The following PATJ variants were observed in gnomAD, a reference collection of about 807,000 sequenced individuals.
PATJ encodes PATJ crumbs cell polarity complex component, also known as inaD-like protein.
A neutral mutation model predicts 224.9 loss-of-function variants in PATJ; 190 were observed. That is an observed-to-expected ratio of 0.84 (90% CI 0.75 to 0.95). The LOEUF (loss-of-function observed/expected upper bound fraction) is 0.95, where lower values mean the gene tolerates loss of function less well. Ranked by LOEUF, PATJ falls within the 40% of genes least tolerant of loss-of-function variation. The pLI is 0.00. For synonymous variants in PATJ, 769 were observed against 820.3 expected (o/e 0.94, Z 1.07); for missense variants, 2,121 against 2,270.3 (o/e 0.93, Z 1.34).
At chr1:61,863,141 T>G (rs904646744) in intron 19 of PATJ, among the ~76,000 whole-genome samples, 5 of 146,850 alleles carry the variant, frequency 3.4e-5, no homozygotes, top group African/African-American at 1.3e-4. Flanking sequence ...GCTCAAGCAA[T>G]TCTTTGCCTC....
chr1:62,155,927 A>T (rs561446638), intron 43 of PATJ, among the ~76,000 whole-genome samples: 3 of 151,450 alleles, frequency 2.0e-5, no homozygotes, highest in African/African-American at 7.3e-5. Context: ...GCATGGTGGT[A>T]GGCGCCTGTA....
At chr1:61,817,358 A>T (rs1196022729) in intron 14 of PATJ, among the ~76,000 whole-genome samples, 2 of 152,140 alleles carry the variant, frequency 1.3e-5, no homozygotes, top group Non-Finnish European at 2.9e-5. Flanking sequence ...TTTTTTGAAC[A>T]TTCTGAATTA....
At chr1:61,875,507 C>T in intron 21 of PATJ, 141 bp downstream of exon 21, 2 of 613,088 alleles carry the variant, frequency 3.3e-6, no homozygotes, top group Non-Finnish European at 5.5e-6. Flanking sequence ...AATTAATCTG[C>T]TTCAGAATTA....
Position 61,775,326 on chromosome 1 carries a change from G to T in PATJ, c.841G>T (p.Ala281Ser), listed in dbSNP as rs781576435. 4 of 1,609,020 alleles carry T rather than the reference G, an allele frequency of 2.5e-6. No homozygotes were observed. Among genetic ancestry groups the T allele is most frequent in the Admixed American group, 1.7e-5 (1 of 58,740 alleles). ...VVRTIVPGGL[A>S]DRDGRLQTGD... is the part of the protein sequence containing the mutation. ...GAGGACTATAGTTCCTGGAGGATTA[G>T]CAGATCGAGTAAGTCAACCTTCCTT... Residue 281 changes from alanine to serine, a missense_variant, in exon 7 of 44, where the codon GCA becomes TCA. By Grantham distance (99) the Ala-to-Ser change is moderately conservative. Coordinates refer to ENST00000642238, the MANE Select transcript of PATJ (RefSeq NM_001350145.3).
intron 27 of PATJ, among the ~76,000 whole-genome samples, chr1:61,967,666 G>A (rs751079702): frequency 3.9e-5 from 6 of 152,146 alleles, no homozygotes; most frequent in Non-Finnish European, 7.4e-5. Context: ...TAAATGAGAT[G>A]ATTTATTTAA....
chr1:61,758,927 T>A (rs1460189911), intron 1 of PATJ, among the ~76,000 whole-genome samples: 1 of 152,144 alleles, frequency 6.6e-6, no homozygotes, highest in Non-Finnish European at 1.5e-5. Flanking sequence ...GTTACACAAA[T>A]AGAAAATGCC....
intron 9 of PATJ, among the ~76,000 whole-genome samples, chr1:61,793,094 A>T (rs1650235217): frequency 6.6e-6 from 1 of 151,684 alleles, no homozygotes; most frequent in African/African-American, 2.4e-5. Context: ...CTTTTCTGAG[A>T]TGGAGTCTCG....
Position 61,808,592 on chromosome 1 carries a change from TGTTGTCCAG to T in PATJ, c.1683+67_1683+75del, listed in dbSNP as rs911475850. 4.7e-5 allele frequency: 50 copies of T among 1,059,220 alleles called. No homozygotes were observed. In the African/African-American group the frequency reaches 7.6e-4, roughly 16 times the overall value. The allele number at this position is 1,059,220 out of a possible 1,614,324, so 65.6% of individuals were successfully genotyped here. On this transcript the variant is annotated intron_variant, in intron 14 of 43. Transcript: ENST00000642238. Reference sequence around the variant, plus strand: ...TTTTTTAAGAGATAGGGTCTCACTATGTTGTCCAGGTTGGTCTCAAACTCATAGGCTAAA... The same window carrying T: ...TTTTTTAAGAGATAGGGTCTCACTATGTTGGTCTCAAACTCATAGGCTAAA...
intron 11 of PATJ, among the ~76,000 whole-genome samples, chr1:61,797,876 T>C (rs931456328): frequency 6.6e-6 from 1 of 151,528 alleles, no homozygotes; most frequent in Non-Finnish European, 1.5e-5. Context: ...GATCTTGGCT[T>C]ACTGCAACCT....
At chr1:61,885,788 CA>C (rs1478687955) in intron 22 of PATJ, among the ~76,000 whole-genome samples, 1 of 151,644 alleles carries the variant, frequency 6.6e-6, no homozygotes, top group East Asian at 1.9e-4. Flanking sequence ...AAATGTCCAA[CA>C]ATGATAGACT....
intron 25 of PATJ, among the ~76,000 whole-genome samples, chr1:61,910,405 A>G (rs917890020): frequency 2.0e-5 from 3 of 152,142 alleles, no homozygotes; most frequent in Non-Finnish European, 4.4e-5. Flanking sequence ...AGACTGCCAC[A>G]TTGTACATTC....
chr1:62,116,370 G>A (rs1421407671), intron 35 of PATJ, among the ~76,000 whole-genome samples, 162 bp from the exon 36 acceptor site: 1 of 152,168 alleles, frequency 6.6e-6, no homozygotes, highest in Non-Finnish European at 1.5e-5. Flanking sequence ...GAAGCTCCAA[G>A]TGCTGATAAA....
At chr1:62,011,925 G>A (rs1646473647) in intron 28 of PATJ, among the ~76,000 whole-genome samples, 1 of 151,892 alleles carries the variant, frequency 6.6e-6, no homozygotes. Flanking sequence ...TTCTCAGGAG[G>A]CAGAGGCAGG....
In PATJ at chr1:62,030,140, G is replaced by A. The variant is rs563381075; in HGVS notation, c.3960-7837G>A. 1.8e-4 allele frequency among the ~76,000 whole-genome samples: 28 copies of A among 152,206 alleles called. No homozygotes were observed. In the South Asian group the frequency reaches 5.8e-3, roughly 32 times the overall value. ...GATTAAAAGAAAAAAGAAGAATAAA[G>A]CCTTTAGATTAAACCATTAGACTCA... is the stretch of plus-strand genomic sequence containing the variant. On this transcript the variant is annotated intron_variant, in intron 29 of 43. Transcript: ENST00000642238.
At chr1:62,101,308 G>A (rs1300896541) in intron 33 of PATJ, among the ~76,000 whole-genome samples, 1 of 144,470 alleles carries the variant, frequency 6.9e-6, no homozygotes, top group East Asian at 2.1e-4. Flanking sequence ...CTGTCACCCA[G>A]GCTGGAGTGC....
At chr1:61,775,923 A>G (rs1247439310) in intron 7 of PATJ, among the ~76,000 whole-genome samples, 1 of 152,248 alleles carries the variant, frequency 6.6e-6, no homozygotes, top group East Asian at 1.9e-4. Context: ...AAGCCACGTA[A>G]TAATAAGCCC....
intron 28 of PATJ, among the ~76,000 whole-genome samples, chr1:61,994,298 C>T (rs67967624): frequency 0.053 from 8,049 of 152,190 alleles, 588 homozygotes; most frequent in East Asian, 0.39. Flanking sequence ...AGTGATTGTA[C>T]AGCATCAACC....
chr1:62,148,287 G>C lies in PATJ; in HGVS notation c.5275G>C (p.Val1759Leu). The change falls in exon 42 of 44, where the codon GTA (valine) becomes CTA (leucine). Residue 1759 changes from valine (V) to leucine (L), a missense_variant. Val to Leu is a conservative substitution (Grantham distance 32). Coordinates refer to ENST00000642238, the MANE Select transcript of PATJ (RefSeq NM_001350145.3). ...NAYGRIILQV[V>L]ADTNISAIAA... ...CTTTTTTTCACTTTTTCCCCAGGTTGTAGCAGATACCAATATAAGCGCCAT... is the reference window on the plus strand; with the variant it reads ...CTTTTTTTCACTTTTTCCCCAGGTTCTAGCAGATACCAATATAAGCGCCAT... 1 of 1,611,260 alleles carries C rather than the reference G, an allele frequency of 6.2e-7. No homozygotes were observed. The highest frequency in any genetic ancestry group is 2.2e-5 in the East Asian group (1 of 44,850).
chr1:61,828,996 C>CA (rs1298684598), intron 16 of PATJ, among the ~76,000 whole-genome samples: 1 of 152,182 alleles, frequency 6.6e-6, no homozygotes, highest in African/African-American at 2.4e-5. Flanking sequence ...GTAATGTGAG[C>CA]AACTTCTTAA....
Sources: allele counts gnomAD v4.1 joint callset (sites outside exome capture counted in the v4.1 genomes callset), GRCh38; gene constraint gnomAD v4.1.1; transcripts MANE v1.5; gene names NCBI Gene and HGNC (gene_info 2026-07-23, HGNC 2026-07-21).